The following GABPB2 variants were observed in gnomAD, a reference collection of about 807,000 sequenced individuals.
The protein encoded by GABPB2 is GA binding protein transcription factor subunit beta 2.
A neutral mutation model predicts 39.1 loss-of-function variants in GABPB2; 23 were observed. That is an observed-to-expected ratio of 0.59 (90% CI 0.42 to 0.83). The LOEUF (loss-of-function observed/expected upper bound fraction) is 0.83. GABPB2 is among the 40% of genes least tolerant of loss of function. The pLI is 0.00. For missense variants in GABPB2, 467 were observed against 541.1 expected (o/e 0.86, Z 1.36); for synonymous variants, 184 against 199.3 (o/e 0.92, Z 0.65).
intron 4 of GABPB2, among the ~76,000 whole-genome samples, chr1:151,095,193 T>C (rs2101509036): frequency 6.6e-6 from 1 of 152,114 alleles, no homozygotes; most frequent in African/African-American, 2.4e-5. Flanking sequence ...GAAAACTATA[T>C]TCTAGCCTAG....
At chr1:151,088,377 TG>T in intron 2 of GABPB2, 80 bp downstream of exon 2, 2 of 1,332,832 alleles carry the variant, frequency 1.5e-6, no homozygotes, top group Non-Finnish European at 2.1e-6. Flanking sequence ...AACAGACTAT[TG>T]GTTTTTCTTC....
Position 151,093,306 on chromosome 1 carries a change from C to T in GABPB2, c.391C>T (p.His131Tyr). 1 of 1,612,136 alleles carries T rather than the reference C, an allele frequency of 6.2e-7. No homozygotes were observed. Among genetic ancestry groups the T allele is most frequent in the Non-Finnish European group, 8.5e-7 (1 of 1,179,284 alleles). The stretch of plus-strand genomic sequence containing the variant: ...ACTTATCAAATATGGAGCTGATGTC[C>T]ATGCTTTCAGCAAATTTGATAAATC... Reference protein sequence around the residue: ...ELLIKYGADVHAFSKFDKSAF... With the variant: ...ELLIKYGADVYAFSKFDKSAF... Residue 131 changes from histidine (H) to tyrosine (Y), a missense_variant, in exon 4 of 9, where the codon CAT becomes TAT. Physicochemically the swap from His to Tyr is moderately conservative, Grantham distance 83 (BLOSUM62 2). Coordinates refer to ENST00000368918, the MANE Select transcript of GABPB2 (RefSeq NM_144618.3).
intron 2 of GABPB2, among the ~76,000 whole-genome samples, chr1:151,089,275 T>A (rs1158627315): frequency 6.6e-6 from 1 of 152,124 alleles, no homozygotes; most frequent in Non-Finnish European, 1.5e-5. Context: ...ACCCATGAAA[T>A]TAGCATTTCT....
At chr1:151,103,802 G>T in intron 6 of GABPB2, 127 bp downstream of exon 6, 2 of 637,388 alleles carry the variant, frequency 3.1e-6, no homozygotes, top group Non-Finnish European at 5.4e-6. Context: ...AAGGAAAAGG[G>T]ATGTGGCATC....
intron 1 of GABPB2, among the ~76,000 whole-genome samples, chr1:151,086,573 T>C (rs1678213123): frequency 6.6e-6 from 1 of 152,142 alleles, no homozygotes; most frequent in East Asian, 1.9e-4. Context: ...CATAGTTCCC[T>C]AAAAAGGCAT....
intron 5 of GABPB2, among the ~76,000 whole-genome samples, chr1:151,099,958 G>C (rs189966147): frequency 3.3e-4 from 50 of 152,276 alleles, no homozygotes; most frequent in Middle Eastern, 3.4e-3. Flanking sequence ...AGCGAAGCTT[G>C]ACCCCAACAT....
At chr1:151,087,314 A>G (rs766975222) in intron 1 of GABPB2, among the ~76,000 whole-genome samples, 5 of 152,038 alleles carry the variant, frequency 3.3e-5, no homozygotes, top group Non-Finnish European at 7.4e-5. Context: ...AAGCATGATT[A>G]TATGATTACA....
rs116758912 is a variant in GABPB2, at chr1:151,096,144, C to A, written c.472-1708C>A. 3.5e-3 allele frequency among the ~76,000 whole-genome samples: 535 copies of A among 151,942 alleles called. 1 individual carries two copies. Among genetic ancestry groups the A allele is most frequent in the African/African-American group, 0.012 (516 of 41,420 alleles). On this transcript the variant is annotated intron_variant, in intron 4 of 8. Transcript: ENST00000368918. Reference sequence around the variant, plus strand: ...ATATATGAAAAACAGTCATTTCTGGCTGGGCGTGGTGGCTCATGCCTGTAA... The same window carrying A: ...ATATATGAAAAACAGTCATTTCTGGATGGGCGTGGTGGCTCATGCCTGTAA...
chr1:151,106,916 C>T (rs1571969229), intron 6 of GABPB2, 121 bp from the exon 7 acceptor site: 1 of 616,024 alleles, frequency 1.6e-6, no homozygotes, highest in Non-Finnish European at 2.7e-6. Context: ...ACTGTTGAAT[C>T]TCACTTTTTT....
At chr1:151,075,959 T>C (rs1677142475) in intron 1 of GABPB2, among the ~76,000 whole-genome samples, 1 of 152,124 alleles carries the variant, frequency 6.6e-6, no homozygotes, top group South Asian at 2.1e-4. Flanking sequence ...GGCGATGATA[T>C]TCCTGCCTGA....
chr1:151,080,995 C>T (rs1677637718), intron 1 of GABPB2, among the ~76,000 whole-genome samples: 1 of 150,650 alleles, frequency 6.6e-6, no homozygotes, highest in Non-Finnish European at 1.5e-5. Context: ...GCCTCAGCCT[C>T]CCGAGTAGCT....
intron 7 of GABPB2, among the ~76,000 whole-genome samples, chr1:151,109,359 TA>T (rs1355077066): frequency 1.4e-4 from 11 of 79,274 alleles, no homozygotes; most frequent in East Asian, 4.5e-4. Context: ...TATATATATA[TA>T]TATATTTTTT....
At chr1:151,073,251 G>A (rs961619376) in intron 1 of GABPB2, 21 of 152,092 alleles carry the variant, frequency 1.4e-4, no homozygotes, top group Admixed American at 8.5e-4. Context: ...CAAATTCCTG[G>A]CTTCAACTGA....
chr1:151,080,087 C>T (rs1166707551), intron 1 of GABPB2, among the ~76,000 whole-genome samples: 1 of 150,670 alleles, frequency 6.6e-6, no homozygotes, highest in South Asian at 2.1e-4. Context: ...TGGTGGCACA[C>T]GCCTGTATTC....
rs1553265488 is a variant in GABPB2 at position 151,100,580 on chromosome 1, C to CAT, written c.622+2578_622+2579insAT. Among the ~76,000 whole-genome samples the CAT allele has an allele frequency of 1.3e-4, 6 of 46,688 alleles. No individual in the cohort carries two copies. In the Admixed American group the frequency reaches 1.5e-3, roughly 12 times the overall value. The allele number at this position is 46,688 out of a possible 152,430, so 30.6% of individuals were successfully genotyped here. A position where few individuals can be genotyped will look rare whatever the true frequency, so the allele number is the denominator to read the frequency against. On this transcript the variant is annotated intron_variant, in intron 5 of 8. Transcript: ENST00000368918. ...ACAAGTGTGAGCCACTGTGCCTGGCCTTTTTTTTTTTTTTTTTTTTTTTTT... is the reference window on the plus strand; with the variant it reads ...ACAAGTGTGAGCCACTGTGCCTGGCCATTTTTTTTTTTTTTTTTTTTTTTTTT...
In GABPB2 at chr1:151,097,720, A is replaced by AG. The variant is rs1679199579; in HGVS notation, c.472-132_472-131insG. ...CCTGAACCCAGGAGGTGGAGGTTGCAATGAGCCAAGATCGTGCCACTGCAC... is the reference window on the plus strand; with the variant it reads ...CCTGAACCCAGGAGGTGGAGGTTGCAGATGAGCCAAGATCGTGCCACTGCAC... On this transcript the variant is annotated intron_variant, in intron 4 of 8. Transcript: ENST00000368918. 5 of 769,002 alleles carry AG rather than the reference A, an allele frequency of 6.5e-6. No individual in the cohort carries two copies. In the East Asian group the frequency reaches 1.3e-4, roughly 21 times the overall value. The allele number at this position is 769,002 out of a possible 1,614,324, so 47.6% of individuals were successfully genotyped here. A position where few individuals can be genotyped will look rare whatever the true frequency, so the allele number is the denominator to read the frequency against.
At chr1:151,105,671 G>A (rs979261109) in intron 6 of GABPB2, among the ~76,000 whole-genome samples, 1 of 151,734 alleles carries the variant, frequency 6.6e-6, no homozygotes, top group East Asian at 1.9e-4. Context: ...ATGCCACCAC[G>A]CTCAATTAAT....
At chr1:151,078,156 G>C (rs1677348806) in intron 1 of GABPB2, among the ~76,000 whole-genome samples, 1 of 151,014 alleles carries the variant, frequency 6.6e-6, no homozygotes, top group African/African-American at 2.4e-5. Context: ...TGTAGTCCGA[G>C]CTACTCAGGA....
chr1:151,105,413 AATAT>A (rs1219462453), intron 6 of GABPB2, among the ~76,000 whole-genome samples: 3 of 148,614 alleles, frequency 2.0e-5, no homozygotes, highest in African/African-American at 7.3e-5. Flanking sequence ...ATGTATATCA[AATAT>A]ATATACAAAT....
Sources: allele counts gnomAD v4.1 joint callset (sites outside exome capture counted in the v4.1 genomes callset), GRCh38; gene constraint gnomAD v4.1.1; transcripts MANE v1.5; gene names NCBI Gene and HGNC (gene_info 2026-07-23, HGNC 2026-07-21).